FAM13A: variants seen among roughly 807,000 people sequenced by gnomAD.
FAM13A encodes the protein family with sequence similarity 13 member A, also known as protein FAM13A.
In FAM13A, 76 loss-of-function variants were observed where a neutral mutation model predicts 129.6. That is an observed-to-expected ratio of 0.59 (90% CI 0.49 to 0.71). The LOEUF (loss-of-function observed/expected upper bound fraction) is 0.71. Among genes scored for constraint, FAM13A ranks in the 30% least tolerant of loss-of-function variants. The pLI is 0.00. For missense variants in FAM13A, 1,108 were observed against 1,249.3 expected (o/e 0.89, Z 1.70); for synonymous variants, 443 against 449.9 (o/e 0.98, Z 0.20).
rs551911071 is a variant in FAM13A, at chr4:88,873,349, G to C, written c.844-22166C>G. Among the ~76,000 whole-genome samples, 300 of 152,258 alleles carry C rather than the reference G, an allele frequency of 2.0e-3. 5 individuals carry two copies. The highest frequency in any genetic ancestry group is 0.016 in the East Asian group (84 of 5,188). On this transcript the variant is annotated intron_variant, in intron 6 of 23. Transcript: ENST00000264344. ...ACCCTTCAAAAAATTAATGAATCCA[G>C]GAGCTGGTTTTTTGAAAGGATCAAC...
intron 5 of FAM13A, 113 bp downstream of exon 5, chr4:88,937,975 A>G (rs756023527): frequency 3.1e-5 from 23 of 744,714 alleles, no homozygotes; most frequent in Middle Eastern, 3.0e-4. Context: ...CACTATACAC[A>G]GGAATAATAA....
At chr4:88,965,471 T>G (rs1267003889) in intron 4 of FAM13A, among the ~76,000 whole-genome samples, 2 of 151,984 alleles carry the variant, frequency 1.3e-5, no homozygotes, top group Non-Finnish European at 2.9e-5. Flanking sequence ...AAGAAAAAAA[T>G]GTTCAAATCA....
intron 6 of FAM13A, among the ~76,000 whole-genome samples, chr4:88,897,988 G>A (rs1746632362): frequency 6.6e-6 from 1 of 152,072 alleles, no homozygotes; most frequent in Non-Finnish European, 1.5e-5. Flanking sequence ...CTTAACCAAT[G>A]AAGTAATTTC....
intron 21 of FAM13A, chr4:88,736,296 C>A (rs1021913162): frequency 2.6e-5 from 4 of 152,110 alleles, no homozygotes; most frequent in Non-Finnish European, 1.5e-5. Flanking sequence ...TATGATGTAT[C>A]AAGATCTGCA....
chr4:88,865,773 T>C (rs1740286214), intron 6 of FAM13A, among the ~76,000 whole-genome samples: 2 of 151,924 alleles, frequency 1.3e-5, no homozygotes, highest in African/African-American at 2.4e-5. Flanking sequence ...CCTACAAAAC[T>C]ACTGACAAAA....
At chr4:88,912,259 A>C (rs555186085) in intron 5 of FAM13A, among the ~76,000 whole-genome samples, 1 of 103,194 alleles carries the variant, frequency 9.7e-6, no homozygotes, top group African/African-American at 3.7e-5. Context: ...TGCAGGCACC[A>C]TCCAATTGGC....
intron 7 of FAM13A, among the ~76,000 whole-genome samples, chr4:88,845,764 T>C (rs909087324): frequency 2.6e-5 from 4 of 152,316 alleles, no homozygotes; most frequent in African/African-American, 9.6e-5. Context: ...ATCAGTGATG[T>C]ATCAAATTTT....
intron 5 of FAM13A, among the ~76,000 whole-genome samples, chr4:88,921,478 A>G (rs1467153120): frequency 2.6e-5 from 4 of 152,212 alleles, no homozygotes; most frequent in Admixed American, 2.0e-4. Context: ...GAGAAATAAA[A>G]TCCTTTACAG....
chr4:88,817,680 G>GT (rs1409466721), intron 7 of FAM13A, among the ~76,000 whole-genome samples: 2 of 152,260 alleles, frequency 1.3e-5, no homozygotes, highest in Admixed American at 6.5e-5. Flanking sequence ...ACAGACAAAT[G>GT]TAAGTTTCAT....
chr4:88,843,242 G>C (rs1736124279), intron 7 of FAM13A, among the ~76,000 whole-genome samples: 1 of 152,204 alleles, frequency 6.6e-6, no homozygotes, highest in Non-Finnish European at 1.5e-5. Context: ...CAGGGGAATT[G>C]CATGCTGAAG....
intron 6 of FAM13A, among the ~76,000 whole-genome samples, chr4:88,904,478 G>C (rs553682744): frequency 1.3e-5 from 2 of 152,110 alleles, no homozygotes; most frequent in Non-Finnish European, 2.9e-5. Flanking sequence ...GACATGGATG[G>C]AGCTGGAAAC....
chr4:89,054,965 C>T (rs867243176), intron 1 of FAM13A, among the ~76,000 whole-genome samples: 1 of 152,146 alleles, frequency 6.6e-6, no homozygotes, highest in African/African-American at 2.4e-5. Flanking sequence ...TTCTCTCTTC[C>T]CCAAAAAGAA....
chr4:88,984,278 A>G lies in FAM13A; in HGVS notation c.605+6695T>C, dbSNP rs1022594099. ...CACAAAAAGCATAAGTGACAAAAGA[A>G]AAAACAGATACATTGCACTCCATCA... On this transcript the variant is annotated intron_variant, in intron 4 of 23. Coordinates refer to ENST00000264344, the MANE Select transcript of FAM13A (RefSeq NM_014883.4). Among the ~76,000 whole-genome samples the G allele has an allele frequency of 2.6e-5, 4 of 152,332 alleles. No individual in the cohort carries two copies. The East Asian group carries it at 7.7e-4, about 29-fold the overall frequency.
At chr4:88,876,255 C>G (rs1272217092) in intron 6 of FAM13A, among the ~76,000 whole-genome samples, 4 of 152,096 alleles carry the variant, frequency 2.6e-5, no homozygotes, top group Admixed American at 2.6e-4. Context: ...CCAACCTGCA[C>G]ATTGTGCACA....
chr4:88,745,325 G>T (rs1334995787), intron 19 of FAM13A, among the ~76,000 whole-genome samples: 1 of 152,166 alleles, frequency 6.6e-6, no homozygotes, highest in Non-Finnish European at 1.5e-5. Context: ...ATCTGGGTCT[G>T]CCAATTCTAC....
At chr4:88,969,772 A>T (rs971867670) in intron 4 of FAM13A, among the ~76,000 whole-genome samples, 2 of 152,220 alleles carry the variant, frequency 1.3e-5, no homozygotes, top group Admixed American at 6.5e-5. Flanking sequence ...TTTACTTATT[A>T]CAGAGGAGGA....
intron 4 of FAM13A, among the ~76,000 whole-genome samples, chr4:88,986,838 C>CA (rs1288713057): frequency 6.6e-6 from 1 of 152,150 alleles, no homozygotes; most frequent in Non-Finnish European, 1.5e-5. Flanking sequence ...AAATTAAACT[C>CA]AAAATATCAA....
intron 14 of FAM13A, among the ~76,000 whole-genome samples, chr4:88,756,776 A>T (rs1232194481): frequency 6.6e-6 from 1 of 152,170 alleles, no homozygotes; most frequent in Non-Finnish European, 1.5e-5. Context: ...TACTTTCATT[A>T]TACTTATAGC....
At chr4:88,847,752 G>T (rs1223496484) in intron 7 of FAM13A, among the ~76,000 whole-genome samples, 2 of 152,144 alleles carry the variant, frequency 1.3e-5, no homozygotes, top group Non-Finnish European at 2.9e-5. Context: ...GGCTAACACG[G>T]TGAAACCCCG....
Sources: gnomAD v4.1 joint callset for allele counts (sites outside exome capture counted in the v4.1 genomes callset) on GRCh38, gnomAD v4.1.1 for gene constraint, MANE v1.5 for transcripts, NCBI Gene and HGNC (gene_info 2026-07-23, HGNC 2026-07-21) for gene names.